Variants in FARSB observed in about 807,000 individuals in gnomAD.
FARSB encodes phenylalanyl-tRNA synthetase subunit beta, also known as phenylalanine--tRNA ligase beta subunit.
FARSB carries 40 observed loss-of-function variants against 69.6 expected under a neutral mutation model. The observed-to-expected ratio is 0.57, with a 90% CI of 0.45 to 0.75. The LOEUF is 0.75. FARSB is among the 30% of genes least tolerant of loss of function. The pLI, the probability that FARSB is intolerant of heterozygous loss-of-function variation, is 0.00. For missense variants in FARSB, 632 were observed against 722.9 expected, an observed-to-expected ratio of 0.87 and a Z score of 1.44; for synonymous variants, 235 against 247.2, an observed-to-expected ratio of 0.95 and a Z score of 0.46.
chr2:222,653,611 C>T (rs1456243396), intron 1 of FARSB, among the ~76,000 whole-genome samples: 1 of 151,802 alleles, frequency 6.6e-6, no homozygotes, highest in Non-Finnish European at 1.5e-5. Context: ...CAATAAATAA[C>T]ATCAATCCTT....
chr2:222,636,385 C>CAAAAAAAAAAAAA (rs34295305), intron 5 of FARSB, among the ~76,000 whole-genome samples: 3 of 96,708 alleles, frequency 3.1e-5, no homozygotes, highest in Non-Finnish European at 4.2e-5. Flanking sequence ...GACTCTATCT[C>CAAAAAAAAAAAAA]AAAAAAAAAA....
intron 2 of FARSB, 22 bp downstream of exon 2, chr2:222,648,718 T>C (rs184464778): frequency 6.2e-6 from 9 of 1,457,446 alleles, no homozygotes; most frequent in African/African-American, 1.4e-5. Flanking sequence ...CTTTGAAAAA[T>C]AGACAAATAT....
Position 222,624,651 on chromosome 2 carries a change from CA to C in FARSB, c.962+62del, listed in dbSNP as rs886409842. 7,041 of 1,009,398 alleles carry C rather than the reference CA, an allele frequency of 7.0e-3. 20 individuals carry two copies. The highest frequency in any genetic ancestry group is 0.023 in the African/African-American group (1,411 of 60,192). The allele number at this position is 1,009,398 out of a possible 1,614,324, so 62.5% of individuals were successfully genotyped here. On this transcript the variant is annotated intron_variant, in intron 11 of 16. Coordinates refer to ENST00000281828, the MANE Select transcript of FARSB (RefSeq NM_005687.5). ...TTCCTTAACAGACTCTGAAGGATCGCAAAAAAAAAATTAGTCATACGTGTAC... is the reference window on the plus strand; with the variant it reads ...TTCCTTAACAGACTCTGAAGGATCGCAAAAAAAAATTAGTCATACGTGTAC...
chr2:222,595,197 G>T (rs1184180910), intron 16 of FARSB, among the ~76,000 whole-genome samples: 1 of 152,148 alleles, frequency 6.6e-6, no homozygotes, highest in African/African-American at 2.4e-5. Context: ...ATGCTAGAAA[G>T]ATCTCCCTTT....
intron 15 of FARSB, among the ~76,000 whole-genome samples, chr2:222,607,726 C>T (rs923021279): frequency 2.0e-5 from 3 of 151,524 alleles, no homozygotes; most frequent in Non-Finnish European, 2.9e-5. Context: ...TAAAACATCA[C>T]AAATATATTT....
chr2:222,574,290 G>A (rs1294353268), intron 16 of FARSB, among the ~76,000 whole-genome samples: 1 of 152,084 alleles, frequency 6.6e-6, no homozygotes, highest in African/African-American at 2.4e-5. Flanking sequence ...AAATATTTGT[G>A]TCACTAAGTA....
intron 10 of FARSB, among the ~76,000 whole-genome samples, chr2:222,625,148 A>T (rs1206484526): frequency 6.6e-6 from 1 of 152,250 alleles, no homozygotes; most frequent in Non-Finnish European, 1.5e-5. Context: ...GCAGATGGAT[A>T]TGACCAAGAA....
At chr2:222,602,042 C>T (rs538676284) in intron 15 of FARSB, among the ~76,000 whole-genome samples, 21 of 152,206 alleles carry the variant, frequency 1.4e-4, no homozygotes, top group African/African-American at 4.6e-4. Flanking sequence ...AGTAGGATAC[C>T]ACTCAGCAAC....
At chr2:222,632,714 C>T (rs1343195827) in intron 7 of FARSB, among the ~76,000 whole-genome samples, 1 of 151,674 alleles carries the variant, frequency 6.6e-6, no homozygotes, top group Admixed American at 6.6e-5. Flanking sequence ...TTTGGGAGGC[C>T]AAGGTGGGAG....
At chr2:222,593,160 T>G (rs1333888742) in intron 16 of FARSB, among the ~76,000 whole-genome samples, 3 of 152,122 alleles carry the variant, frequency 2.0e-5, no homozygotes, top group Non-Finnish European at 2.9e-5. Context: ...GCACGCATTT[T>G]CCACAGGGGC....
intron 8 of FARSB, 102 bp from the exon 9 acceptor site, chr2:222,630,276 T>C (rs1276955395): frequency 6.5e-6 from 4 of 614,366 alleles, no homozygotes; most frequent in Non-Finnish European, 8.3e-6. Context: ...TCACATCTAA[T>C]GGACCTTTAC....
intron 1 of FARSB, among the ~76,000 whole-genome samples, chr2:222,651,339 G>A (rs971461484): frequency 6.6e-6 from 1 of 152,126 alleles, no homozygotes; most frequent in Non-Finnish European, 1.5e-5. Flanking sequence ...CTAAAGGAAA[G>A]GCTGTTAAAC....
At chr2:222,646,160 A>T (rs1333247965) in intron 2 of FARSB, among the ~76,000 whole-genome samples, 1 of 152,166 alleles carries the variant, frequency 6.6e-6, no homozygotes, top group East Asian at 1.9e-4. Context: ...AGATTACCAA[A>T]TTCTCCATAA....
chr2:222,601,808 C>A (rs1690568674), intron 15 of FARSB, among the ~76,000 whole-genome samples: 1 of 151,994 alleles, frequency 6.6e-6, no homozygotes. Context: ...GGACCATAGG[C>A]ACACGCCACC....
At chr2:222,594,371 GTAAA>G (rs1349091842) in intron 16 of FARSB, among the ~76,000 whole-genome samples, 12 of 152,060 alleles carry the variant, frequency 7.9e-5, no homozygotes, top group African/African-American at 2.7e-4. Flanking sequence ...GTTTATGTAA[GTAAA>G]TAAATAACAT....
chr2:222,631,475 G>T (rs1691422732), intron 8 of FARSB, 129 bp downstream of exon 8: 1 of 669,290 alleles, frequency 1.5e-6, no homozygotes, highest in Non-Finnish European at 2.7e-6. Flanking sequence ...CTTTTTAATT[G>T]TCTAAATTTC....
At chr2:222,572,631 C>T (rs1689745268) in intron 16 of FARSB, among the ~76,000 whole-genome samples, 1 of 152,168 alleles carries the variant, frequency 6.6e-6, no homozygotes. Context: ...AAAGAGCTTT[C>T]TAAGCAGTTC....
In FARSB at chr2:222,600,064, G is replaced by C; in HGVS notation, c.1482C>G (p.Tyr494Ter). The C allele has an allele frequency of 6.2e-7, 1 of 1,606,654 alleles. No individual in the cohort carries two copies. Among genetic ancestry groups the C allele is most frequent in the Non-Finnish European group, 8.5e-7 (1 of 1,178,314 alleles). Residue 494 changes from tyrosine (Y) to a stop codon, truncating the protein, a stop_gained, in exon 16 of 17, where the codon TAC (tyrosine) becomes TAG (stop). Transcript: ENST00000281828. LOFTEE classifies it high-confidence loss of function. Reference sequence around the variant, plus strand: ...TGTAATAAACAGCACAGAGATGTCTGTAGTTTTTTGCACCTACATCTAGAA... The same window carrying C: ...TGTAATAAACAGCACAGAGATGTCTCTAGTTTTTTGCACCTACATCTAGAA... ...DSNTDVGAKNYRHLCAVYYNK... is the reference protein window; with the variant it reads ...DSNTDVGAKN
chr2:222,648,008 A>T, intron 2 of FARSB, among the ~76,000 whole-genome samples: 1 of 152,130 alleles, frequency 6.6e-6, no homozygotes. Context: ...TGGCCTGCGG[A>T]CTGTACTTTG....
Sources: gnomAD v4.1 joint callset for allele counts (sites outside exome capture counted in the v4.1 genomes callset) on GRCh38, gnomAD v4.1.1 for gene constraint, MANE v1.5 for transcripts, NCBI Gene and HGNC (gene_info 2026-07-23, HGNC 2026-07-21) for gene names.